Variants in AAK1 observed in about 807,000 individuals in gnomAD.
AAK1 encodes AP2 associated kinase 1, also known as AP2-associated protein kinase 1.
A neutral mutation model predicts 116.0 loss-of-function variants in AAK1; 37 were observed. That is an observed-to-expected ratio of 0.32 (90% CI 0.25 to 0.42). The LOEUF is 0.42. Ranked by LOEUF, AAK1 falls within the 10% of genes least tolerant of loss-of-function variation. The pLI, the probability that AAK1 is intolerant of heterozygous loss-of-function variation, is 1.00. For missense variants in AAK1, 919 were observed against 1,170.6 expected (o/e 0.79, Z 3.14); for synonymous variants, 458 against 439.9 (o/e 1.04, Z -0.51).
chr2:69,498,385 C>G (rs1225676133), intron 16 of AAK1, among the ~76,000 whole-genome samples: 2 of 152,110 alleles, frequency 1.3e-5, no homozygotes, highest in Non-Finnish European at 2.9e-5. Context: ...CTCTCCAGTT[C>G]TGCCTCTGGC....
intron 2 of AAK1, among the ~76,000 whole-genome samples, chr2:69,622,294 C>A (rs1025701666): frequency 1.1e-4 from 16 of 152,350 alleles, no homozygotes; most frequent in African/African-American, 3.8e-4. Flanking sequence ...ACCTGCAGCC[C>A]GCCATGCCTG....
chr2:69,568,771 A>C (rs1671980581), intron 2 of AAK1, among the ~76,000 whole-genome samples: 1 of 152,138 alleles, frequency 6.6e-6, no homozygotes, highest in Admixed American at 6.5e-5. Flanking sequence ...AAGCAGGCTG[A>C]CGTTTTCTTA....
At position 69,475,119 on chromosome 2, in the gene AAK1, A is replaced by G. The variant is rs1674806085; in HGVS notation, c.*750T>C. 2.0e-6 allele frequency: 2 copies of G among 985,862 alleles called. No homozygotes were observed. The highest frequency in any genetic ancestry group is 2.4e-6 in the Non-Finnish European group (2 of 829,922). 61.1% of individuals were successfully genotyped at this position (985,862 alleles called of 1,614,324 possible). A position where few individuals can be genotyped will look rare whatever the true frequency, so the allele number is the denominator to read the frequency against. The stretch of plus-strand genomic sequence containing the variant: ...GGGATTTATATAACGTACACATTGT[A>G]TCCAAGGATCTCAAATACTTGCAGT... On this transcript the variant is annotated 3_prime_UTR_variant, in exon 22 of 22. Coordinates refer to ENST00000409085, the MANE Select transcript of AAK1 (RefSeq NM_014911.5).
intron 17 of AAK1, among the ~76,000 whole-genome samples, chr2:69,485,235 A>G (rs1453951695): frequency 2.6e-5 from 4 of 152,204 alleles, no homozygotes; most frequent in African/African-American, 9.7e-5. Context: ...ATAAAAAGTA[A>G]AGACCCAAAA....
At position 69,464,819 on chromosome 2, in the gene AAK1, C is replaced by T. The variant is rs1674436603; in HGVS notation, c.*11050G>A. 1 of 153,026 alleles carries T rather than the reference C, an allele frequency of 6.5e-6. No individual in the cohort carries two copies. Among genetic ancestry groups the T allele is most frequent in the Non-Finnish European group, 1.5e-5 (1 of 68,660 alleles). The allele number at this position is 153,026 out of a possible 1,614,324, so 9.5% of individuals were successfully genotyped here. ...TAGACAGTCATGCACGAGAGCCAGC[C>T]TGGCTTGCACACAGACTGAGAATCA... is the stretch of plus-strand genomic sequence containing the variant. On this transcript the variant is annotated 3_prime_UTR_variant, in exon 22 of 22. Transcript: ENST00000409085.
intron 5 of AAK1, among the ~76,000 whole-genome samples, chr2:69,539,158 A>C (rs112095696): frequency 0.016 from 2,416 of 152,302 alleles, 32 homozygotes; most frequent in South Asian, 0.027. Context: ...AAGAAAGCCA[A>C]GGAGCCTGGA....
chr2:69,498,410 C>T (rs527481420), intron 16 of AAK1, among the ~76,000 whole-genome samples: 1 of 152,018 alleles, frequency 6.6e-6, no homozygotes, highest in Non-Finnish European at 1.5e-5. Flanking sequence ...GGAGGATGCT[C>T]TGGGGTCTAC....
At chr2:69,538,386 C>T (rs1670566659) in intron 5 of AAK1, among the ~76,000 whole-genome samples, 1 of 152,254 alleles carries the variant, frequency 6.6e-6, no homozygotes, top group African/African-American at 2.4e-5. Context: ...TCCCACCGAC[C>T]TACTCAGCAT....
At chr2:69,622,481 C>A (rs894160617) in intron 2 of AAK1, among the ~76,000 whole-genome samples, 1 of 152,250 alleles carries the variant, frequency 6.6e-6, no homozygotes, top group Admixed American at 6.5e-5. Context: ...GCAAGATCCA[C>A]TGGGTGAAGC....
chr2:69,549,619 A>C (rs1671091326), intron 3 of AAK1, among the ~76,000 whole-genome samples: 1 of 152,122 alleles, frequency 6.6e-6, no homozygotes, highest in South Asian at 2.1e-4. Flanking sequence ...ACCTTCTATA[A>C]TTCTATTAAT....
chr2:69,494,524 G>A (rs1317948828), intron 17 of AAK1, among the ~76,000 whole-genome samples: 1 of 152,104 alleles, frequency 6.6e-6, no homozygotes, highest in Non-Finnish European at 1.5e-5. Context: ...GCAAGAACCT[G>A]AAGGGGTGTC....
chr2:69,476,426 T>C (rs1032197842), intron 21 of AAK1, among the ~76,000 whole-genome samples: 6 of 152,174 alleles, frequency 3.9e-5, no homozygotes, highest in African/African-American at 1.4e-4. Context: ...AATTTAGTGT[T>C]TTATGGCATG....
At chr2:69,535,198 T>C (rs1030363249) in intron 5 of AAK1, among the ~76,000 whole-genome samples, 1 of 152,234 alleles carries the variant, frequency 6.6e-6, no homozygotes, top group Admixed American at 6.5e-5. Flanking sequence ...CTAGAAAAGC[T>C]GTTATACCAT....
At chr2:69,588,647 T>C (rs10439498) in intron 2 of AAK1, among the ~76,000 whole-genome samples, 6,693 of 152,256 alleles carry the variant, frequency 0.044, 399 homozygotes, top group East Asian at 0.16. Context: ...ATTTTGTTAC[T>C]CCTCAGTTCT....
Position 69,465,669 on chromosome 2 carries a change from G to A in AAK1, c.*10200C>T, listed in dbSNP as rs368873583. 4.6e-6 allele frequency: 6 copies of A among 1,290,802 alleles called. No homozygotes were observed. Among genetic ancestry groups the A allele is most frequent in the Non-Finnish European group, 5.1e-6 (5 of 988,882 alleles). The allele number at this position is 1,290,802 out of a possible 1,614,324, so 80.0% of individuals were successfully genotyped here. On this transcript the variant is annotated 3_prime_UTR_variant, in exon 22 of 22. Coordinates refer to ENST00000409085, the MANE Select transcript of AAK1 (RefSeq NM_014911.5). ...GGGGCGGAATGGTTTGCCAGCCATG[G>A]GGCCTGAGACAGCTTCTTTCTGGAG...
At chr2:69,503,228 T>C (rs914086221) in intron 16 of AAK1, among the ~76,000 whole-genome samples, 2 of 152,172 alleles carry the variant, frequency 1.3e-5, no homozygotes, top group Admixed American at 6.5e-5. Flanking sequence ...ATGACAACAT[T>C]CTATTCAGAA....
At chr2:69,490,676 T>A (rs1176734456) in intron 17 of AAK1, among the ~76,000 whole-genome samples, 27 of 151,776 alleles carry the variant, frequency 1.8e-4, no homozygotes, top group Non-Finnish European at 1.5e-5. Flanking sequence ...AATAGAGAGT[T>A]GTTGTTTAAT....
At position 69,470,489 on chromosome 2, in the gene AAK1, C is replaced by T. The variant is rs185289788; in HGVS notation, c.*5380G>A. Reference sequence around the variant, plus strand: ...AACCCACGACTGGGAAATGAGGGACCTCATGGAAGCCAAAAATGGCCAGCT... The same window carrying T: ...AACCCACGACTGGGAAATGAGGGACTTCATGGAAGCCAAAAATGGCCAGCT... On this transcript the variant is annotated 3_prime_UTR_variant, in exon 22 of 22. Transcript: ENST00000409085. 1.7e-3 allele frequency: 1,713 copies of T among 985,376 alleles called. 7 individuals carry two copies. Among genetic ancestry groups the T allele is most frequent in the South Asian group, 0.012 (264 of 21,274 alleles). The allele number at this position is 985,376 out of a possible 1,614,324, so 61.0% of individuals were successfully genotyped here.
chr2:69,610,975 A>C (rs146638750), intron 2 of AAK1, among the ~76,000 whole-genome samples: 2 of 152,240 alleles, frequency 1.3e-5, no homozygotes, highest in South Asian at 4.1e-4. Flanking sequence ...TTCCTAAAAA[A>C]GCTGAGCACT....
Sources: allele counts gnomAD v4.1 joint callset (sites outside exome capture counted in the v4.1 genomes callset), GRCh38; gene constraint gnomAD v4.1.1; transcripts MANE v1.5; gene names NCBI Gene and HGNC (gene_info 2026-07-23, HGNC 2026-07-21).